Variants in GAREM1 observed in about 807,000 individuals in gnomAD.
GAREM1 encodes GRB2-associated and regulator of MAPK protein 1.
Under a neutral mutation model 71.3 loss-of-function variants are expected in GAREM1, and 26 were observed. The observed-to-expected ratio is 0.36, with a 90% CI of 0.27 to 0.51. The LOEUF (loss-of-function observed/expected upper bound fraction) is 0.51, where lower values mean the gene tolerates loss of function less well. Among genes scored for constraint, GAREM1 ranks in the 20% least tolerant of loss-of-function variants. The pLI, the probability that GAREM1 is intolerant of heterozygous loss-of-function variation, is 0.95. For synonymous variants in GAREM1, 440 were observed against 433.2 expected, an observed-to-expected ratio of 1.02 and a Z score of -0.20; for missense variants, 1,026 against 1,103.1, an observed-to-expected ratio of 0.93 and a Z score of 0.99.
chr18:32,382,264 G>A lies in GAREM1; in HGVS notation c.262+10631C>T, dbSNP rs2048104697. On this transcript the variant is annotated intron_variant, in intron 2 of 5. Transcript: ENST00000269209. ...AGTCATGGGTGCAAATTGTTACAGG[G>A]ATTCTGAAGGGGAAGGATCTACCTG... Among the ~76,000 whole-genome samples, 3 of 152,298 alleles carry A rather than the reference G, an allele frequency of 2.0e-5. No individual in the cohort carries two copies. The South Asian group carries it at 6.2e-4, about 32-fold the overall frequency.
chr18:32,374,871 G>A (rs2048017586), intron 2 of GAREM1, among the ~76,000 whole-genome samples: 1 of 152,090 alleles, frequency 6.6e-6, no homozygotes, highest in Non-Finnish European at 1.5e-5. Context: ...TATGTATAAG[G>A]TATCTTATAT....
At chr18:32,401,639 A>T (rs2048316636) in intron 1 of GAREM1, among the ~76,000 whole-genome samples, 1 of 152,206 alleles carries the variant, frequency 6.6e-6, no homozygotes. Flanking sequence ...TGCTTTAGAA[A>T]AATTAATCTG....
chr18:32,404,216 G>T (rs1393161574), intron 1 of GAREM1, among the ~76,000 whole-genome samples: 3 of 152,184 alleles, frequency 2.0e-5, no homozygotes, highest in Admixed American at 2.0e-4. Flanking sequence ...GTGAATCAAT[G>T]TAAGTAGTTA....
intron 1 of GAREM1, among the ~76,000 whole-genome samples, chr18:32,432,358 GA>G (rs1258502981): frequency 6.6e-6 from 1 of 151,018 alleles, no homozygotes; most frequent in Admixed American, 6.6e-5. Context: ...TAAGCAACTG[GA>G]AAAAAAAGAA....
intron 2 of GAREM1, among the ~76,000 whole-genome samples, chr18:32,375,560 C>T (rs1366420498): frequency 1.3e-5 from 2 of 152,158 alleles, no homozygotes; most frequent in Non-Finnish European, 1.5e-5. Flanking sequence ...AAACTGCCAA[C>T]TGGAGTGACC....
At chr18:32,326,914 G>C (rs1156561329) in intron 2 of GAREM1, among the ~76,000 whole-genome samples, 2 of 152,212 alleles carry the variant, frequency 1.3e-5, no homozygotes, top group Non-Finnish European at 1.5e-5. Context: ...ATGTAAACAG[G>C]GCTGCTTTCT....
At chr18:32,295,707 T>G (rs532571980) in intron 3 of GAREM1, among the ~76,000 whole-genome samples, 3 of 152,374 alleles carry the variant, frequency 2.0e-5, no homozygotes, top group Admixed American at 6.5e-5. Context: ...CTTTGTTGTT[T>G]CCAATAGTGA....
chr18:32,269,585 G>A lies in GAREM1; in HGVS notation c.1733+632C>T, dbSNP rs571016561. On this transcript the variant is annotated intron_variant, in intron 5 of 5. Coordinates refer to ENST00000269209, the MANE Select transcript of GAREM1 (RefSeq NM_001242409.2). ...TGAGTTGACAAAGAGATATGGGATG[G>A]ACCTATTTTTGTTTCTTTAGACCTA... Among the ~76,000 whole-genome samples the A allele has an allele frequency of 3.3e-5, 5 of 152,300 alleles. No individual in the cohort carries two copies. In the South Asian group the frequency reaches 1.0e-3, roughly 32 times the overall value.
At chr18:32,369,276 T>C (rs1033572185) in intron 2 of GAREM1, among the ~76,000 whole-genome samples, 17 of 152,230 alleles carry the variant, frequency 1.1e-4, no homozygotes, top group African/African-American at 3.4e-4. Context: ...TGTCGGCATA[T>C]GTCAAATAAT....
rs773964827 is a variant in GAREM1 at position 32,371,885 on chromosome 18, T to G, written c.262+21010A>C. ...GCCCAGCTAGGTCAGGGCTGGGAAA[T>G]GCCACTAGATATAGAAAGCAGGATG... On this transcript the variant is annotated intron_variant, in intron 2 of 5. Coordinates refer to ENST00000269209, the MANE Select transcript of GAREM1 (RefSeq NM_001242409.2). 9.6e-4 allele frequency among the ~76,000 whole-genome samples: 146 copies of G among 152,072 alleles called. 3 individuals carry two copies. Among genetic ancestry groups the G allele is most frequent in the Admixed American group, 5.2e-4 (8 of 15,274 alleles).
At chr18:32,311,707 G>A (rs1598952015) in intron 2 of GAREM1, among the ~76,000 whole-genome samples, 1 of 152,250 alleles carries the variant, frequency 6.6e-6, no homozygotes, top group African/African-American at 2.4e-5. Flanking sequence ...TGCCTGGCAT[G>A]CTGCCACTAT....
At position 32,470,245 on chromosome 18, in the gene GAREM1, G is replaced by T; in HGVS notation, c.121+63C>A. The T allele has an allele frequency of 7.2e-7, 1 of 1,383,334 alleles. No homozygotes were observed. The highest frequency in any genetic ancestry group is 1.5e-5 in the South Asian group (1 of 64,522). 85.7% of individuals were successfully genotyped at this position (1,383,334 alleles called of 1,614,324 possible). ...GGGTCCCACCCTCTCCAGCACACGC[G>T]CGCACACCCGCGTGGAGACGGCTGT... On this transcript the variant is annotated intron_variant, in intron 1 of 5. Transcript: ENST00000269209. The surrounding 1 kb of genome is among the most constrained non-coding windows in gnomAD (Gnocchi z 4.4).
chr18:32,386,391 T>C (rs142512277), intron 2 of GAREM1, among the ~76,000 whole-genome samples: 3 of 152,352 alleles, frequency 2.0e-5, no homozygotes, highest in Admixed American at 1.3e-4. Context: ...ATCCAGGTGC[T>C]TGCTGAATAA....
chr18:32,385,199 A>T (rs2048134472), intron 2 of GAREM1, among the ~76,000 whole-genome samples: 1 of 151,766 alleles, frequency 6.6e-6, no homozygotes, highest in African/African-American at 2.4e-5. Context: ...TTTTAAATAA[A>T]ATTTTTATAT....
chr18:32,293,577 A>G (rs2047108969), intron 3 of GAREM1, among the ~76,000 whole-genome samples: 1 of 152,228 alleles, frequency 6.6e-6, no homozygotes, highest in African/African-American at 2.4e-5. Flanking sequence ...ATTATACTTT[A>G]TACTATTATA....
At chr18:32,290,980 C>G (rs2047077640) in intron 3 of GAREM1, among the ~76,000 whole-genome samples, 1 of 152,148 alleles carries the variant, frequency 6.6e-6, no homozygotes, top group African/African-American at 2.4e-5. Flanking sequence ...AATCCTACAT[C>G]TAGGAATTTA....
intron 2 of GAREM1, among the ~76,000 whole-genome samples, chr18:32,365,075 T>A (rs538600698): frequency 1.3e-5 from 2 of 151,412 alleles, no homozygotes; most frequent in African/African-American, 4.8e-5. Context: ...TCTACAGAAT[T>A]TTTTTTTTCC....
chr18:32,325,480 T>C (rs11081758), intron 2 of GAREM1, among the ~76,000 whole-genome samples: 6,642 of 152,144 alleles, frequency 0.044, 472 homozygotes, highest in African/African-American at 0.15. Flanking sequence ...AAGGAGTACA[T>C]GGGAAATCTC....
At chr18:32,300,565 G>A (rs1248956459) in intron 3 of GAREM1, among the ~76,000 whole-genome samples, 3 of 152,106 alleles carry the variant, frequency 2.0e-5, no homozygotes, top group African/African-American at 7.2e-5. Context: ...GACAAGAGTA[G>A]AATCACAAGC....
Sources: gnomAD v4.1 joint callset for allele counts (sites outside exome capture counted in the v4.1 genomes callset) on GRCh38, gnomAD v4.1.1 for gene constraint, Gnocchi (gnomAD v3.1) non-coding constraint, MANE v1.5 for transcripts, NCBI Gene and HGNC (gene_info 2026-07-23, HGNC 2026-07-21) for gene names.